DLG2: variants seen among roughly 807,000 people sequenced by gnomAD.
DLG2 encodes disks large homolog 2.
DLG2 carries 45 observed loss-of-function variants against 132.5 expected under a neutral mutation model. The ratio of observed to expected loss-of-function variants is 0.34; its 90% CI spans 0.27 to 0.44. The LOEUF (loss-of-function observed/expected upper bound fraction) is 0.44, where lower values mean the gene tolerates loss of function less well. Among genes scored for constraint, DLG2 ranks in the 20% least tolerant of loss-of-function variants. The probability of loss-of-function intolerance (pLI) is 1.00; values close to 1 mark genes in which losing one functional copy is unlikely to be tolerated. For synonymous variants in DLG2, 424 were observed against 419.6 expected (o/e 1.01, Z -0.13); for missense variants, 1,045 against 1,196.9 (o/e 0.87, Z 1.87).
At chr11:84,449,943 A>G (rs2099046756) in intron 7 of DLG2, among the ~76,000 whole-genome samples, 1 of 151,920 alleles carries the variant, frequency 6.6e-6, no homozygotes, top group African/African-American at 2.4e-5. Flanking sequence ...AAGTAATTAC[A>G]TTAAAATTAA....
chr11:85,274,381 A>G (rs1192576257), intron 4 of DLG2, among the ~76,000 whole-genome samples: 2 of 152,204 alleles, frequency 1.3e-5, no homozygotes, highest in Non-Finnish European at 2.9e-5. Context: ...ACAAAAAAAG[A>G]GTCTCCTTTA....
At chr11:84,549,654 A>G (rs2099397691) in intron 6 of DLG2, among the ~76,000 whole-genome samples, 2 of 152,190 alleles carry the variant, frequency 1.3e-5, no homozygotes, top group African/African-American at 4.8e-5. Flanking sequence ...TGACAGTGTC[A>G]CTATAGGAAA....
intron 14 of DLG2, among the ~76,000 whole-genome samples, chr11:83,942,631 T>C (rs2082913021): frequency 6.6e-6 from 1 of 152,254 alleles, no homozygotes; most frequent in Non-Finnish European, 1.5e-5. Flanking sequence ...TCTGTACATC[T>C]GTAGGTTAAT....
chr11:83,766,392 C>G (rs1247316444), intron 18 of DLG2, among the ~76,000 whole-genome samples: 1 of 146,684 alleles, frequency 6.8e-6, no homozygotes, highest in Non-Finnish European at 1.5e-5. Flanking sequence ...CATGCCTGGC[C>G]TGCCTTTTTT....
chr11:85,161,872 A>G lies in DLG2; in HGVS notation c.187-7221T>C, dbSNP rs192045461. ...TCTGAATCAGCATCCAATGTATGCT[A>G]CTATTTCTCCCATAGCCAGGATTCA... is the stretch of plus-strand genomic sequence containing the variant. On this transcript the variant is annotated intron_variant, in intron 4 of 27. Transcript: ENST00000376104. Among the ~76,000 whole-genome samples, 260 of 152,286 alleles carry G rather than the reference A, an allele frequency of 1.7e-3. 1 individual carries two copies. Among genetic ancestry groups the G allele is most frequent in the African/African-American group, 6.1e-3 (255 of 41,564 alleles).
At chr11:83,852,655 C>A (rs183917949) in intron 16 of DLG2, among the ~76,000 whole-genome samples, 1 of 152,290 alleles carries the variant, frequency 6.6e-6, no homozygotes, top group Admixed American at 6.5e-5. Flanking sequence ...AAACATTCAA[C>A]TGTTCTCTTC....
intron 17 of DLG2, chr11:83,791,275 G>C (rs181965747): frequency 5.8e-5 from 39 of 675,334 alleles, no homozygotes; most frequent in South Asian, 4.5e-4. Context: ...GTCCTCATCG[G>C]CAGAGCTCCC....
chr11:84,833,569 C>A (rs369492879), intron 6 of DLG2, among the ~76,000 whole-genome samples: 12 of 151,184 alleles, frequency 7.9e-5, no homozygotes, highest in South Asian at 6.2e-4. Context: ...CTTCTCTGAG[C>A]CCCACTTTTA....
intron 3 of DLG2, among the ~76,000 whole-genome samples, chr11:85,417,396 T>C (rs541466113): frequency 3.9e-5 from 6 of 152,328 alleles, no homozygotes; most frequent in African/African-American, 1.4e-4. Flanking sequence ...GATACTGACC[T>C]GAAATATTCT....
chr11:83,738,265 G>A (rs1305913315), intron 18 of DLG2, among the ~76,000 whole-genome samples: 1 of 152,046 alleles, frequency 6.6e-6, no homozygotes, highest in Non-Finnish European at 1.5e-5. Flanking sequence ...ACCACTCACT[G>A]TCCACAGTAA....
chr11:85,018,971 A>G (rs972331601), intron 6 of DLG2, among the ~76,000 whole-genome samples: 4 of 152,306 alleles, frequency 2.6e-5, no homozygotes, highest in African/African-American at 9.6e-5. Context: ...TCATTCACAG[A>G]AATACATTGT....
intron 6 of DLG2, among the ~76,000 whole-genome samples, chr11:85,069,189 C>A (rs2065395642): frequency 6.6e-6 from 1 of 151,900 alleles, no homozygotes; most frequent in Non-Finnish European, 1.5e-5. Flanking sequence ...GACCTAAAAC[C>A]ATAAAAATCC....
At chr11:85,064,221 C>A (rs764658342) in intron 6 of DLG2, among the ~76,000 whole-genome samples, 1 of 151,786 alleles carries the variant, frequency 6.6e-6, no homozygotes, top group Non-Finnish European at 1.5e-5. Flanking sequence ...CATGCTATCA[C>A]TGAGCTTATA....
chr11:84,332,202 T>C (rs1020029489), intron 7 of DLG2, among the ~76,000 whole-genome samples: 3 of 143,986 alleles, frequency 2.1e-5, no homozygotes, highest in African/African-American at 7.9e-5. Flanking sequence ...GCTTTGCTTG[T>C]CCTTTTTTTT....
chr11:85,373,244 C>T (rs927232022), intron 3 of DLG2, among the ~76,000 whole-genome samples: 1 of 152,058 alleles, frequency 6.6e-6, no homozygotes, highest in African/African-American at 2.4e-5. Flanking sequence ...TTGAGCTGTC[C>T]TTAACCCTCC....
intron 10 of DLG2, among the ~76,000 whole-genome samples, chr11:84,097,762 C>T (rs1472996831): frequency 6.6e-6 from 1 of 152,170 alleles, no homozygotes; most frequent in East Asian, 1.9e-4. Flanking sequence ...ACTGCTTGGC[C>T]TGAGGGGATT....
intron 19 of DLG2, among the ~76,000 whole-genome samples, chr11:83,613,259 G>A (rs1036238092): frequency 1.6e-4 from 24 of 152,160 alleles, no homozygotes; most frequent in Admixed American, 1.3e-3. Context: ...TGAGGATTGG[G>A]TAAACCTAGT....
chr11:84,194,090 T>C (rs941499209), intron 8 of DLG2, among the ~76,000 whole-genome samples: 1 of 152,242 alleles, frequency 6.6e-6, no homozygotes, highest in Admixed American at 6.5e-5. Flanking sequence ...AATACAGGGT[T>C]GAAGCCAACT....
chr11:83,980,092 C>T (rs748885870), intron 12 of DLG2, among the ~76,000 whole-genome samples: 20 of 152,000 alleles, frequency 1.3e-4, no homozygotes, highest in Non-Finnish European at 2.6e-4. Context: ...ATGTTGAAGC[C>T]CTAACCTCCC....
Sources: gnomAD v4.1 joint callset for allele counts (sites outside exome capture counted in the v4.1 genomes callset) on GRCh38, gnomAD v4.1.1 for gene constraint, MANE v1.5 for transcripts, NCBI Gene and HGNC (gene_info 2026-07-23, HGNC 2026-07-21) for gene names.